The following C2orf49 variants were observed in gnomAD, a reference collection of about 807,000 sequenced individuals.
The protein encoded by C2orf49 is tRNA-splicing ligase complex subunit ASW.
A neutral mutation model predicts 20.6 loss-of-function variants in C2orf49; 11 were observed. The observed-to-expected ratio is 0.53, with a 90% CI of 0.34 to 0.88. The LOEUF is 0.88. C2orf49 is among the 40% of genes least tolerant of loss of function. The pLI is 0.02. For missense variants in C2orf49, 289 were observed against 274.2 expected (o/e 1.05, Z -0.38); for synonymous variants, 134 against 108.5 (o/e 1.24, Z -1.46).
the C2orf49 span, among the ~76,000 whole-genome samples, chr2:105,376,945 CAT>C: frequency 1.3e-5 from 2 of 152,318 alleles, no homozygotes; most frequent in African/African-American, 4.8e-5. Flanking sequence ...TGATCTCACA[CAT>C]GTGAGATACT....
downstream of C2orf49, among the ~76,000 whole-genome samples, chr2:105,353,068 C>T (rs535000732): frequency 1.3e-5 from 2 of 152,260 alleles, no homozygotes; most frequent in East Asian, 3.9e-4. Flanking sequence ...TATCCCATGG[C>T]AGAAGGCAGA....
At chr2:105,364,351 G>A in the C2orf49 span, among the ~76,000 whole-genome samples, 1 of 152,224 alleles carries the variant, frequency 6.6e-6, no homozygotes, top group Non-Finnish European at 1.5e-5. Context: ...TACGGTGAAA[G>A]AAGGAAGAGG....
rs572713445 is a variant in C2orf49, at chr2:105,348,560, A to G, written c.*3189A>G. 1 of 144,906 alleles carries G rather than the reference A, an allele frequency of 6.9e-6. No homozygotes were observed. The highest frequency in any genetic ancestry group is 2.5e-5 in the African/African-American group (1 of 39,480). 9.0% of individuals were successfully genotyped at this position (144,906 alleles called of 1,614,324 possible). On this transcript the variant is annotated 3_prime_UTR_variant, in exon 4 of 4. Coordinates refer to ENST00000258457, the MANE Select transcript of C2orf49 (RefSeq NM_024093.3). ...TATATATATATATATATATATATGT[A>G]AGAGCTTCCTCTATTTACTACTGTT...
chr2:105,343,531 A>G (rs966073351), intron 3 of C2orf49, among the ~76,000 whole-genome samples: 3 of 152,254 alleles, frequency 2.0e-5, no homozygotes, highest in Non-Finnish European at 4.4e-5. Context: ...GAACTAAAAC[A>G]GATAAATATT....
the C2orf49 span, chr2:105,363,209 A>G: frequency 6.9e-7 from 1 of 1,445,192 alleles, no homozygotes; most frequent in Non-Finnish European, 9.6e-7. Flanking sequence ...GGATATAGAC[A>G]GGGTCACAGG....
chr2:105,338,607 C>A (rs188223777), intron 1 of C2orf49, among the ~76,000 whole-genome samples: 17 of 152,296 alleles, frequency 1.1e-4, no homozygotes, highest in African/African-American at 4.1e-4. Context: ...GCAATACTTT[C>A]CAAAGTAATG....
At chr2:105,340,893 G>A (rs1034515996) in intron 2 of C2orf49, among the ~76,000 whole-genome samples, 15 of 152,192 alleles carry the variant, frequency 9.9e-5, no homozygotes, top group African/African-American at 3.6e-4. Context: ...GAGTAGGAGG[G>A]TAGGGGTAAA....
the C2orf49 span, among the ~76,000 whole-genome samples, chr2:105,377,459 CA>C: frequency 6.6e-6 from 1 of 152,080 alleles, no homozygotes; most frequent in East Asian, 1.9e-4. Context: ...GGTTAAACCC[CA>C]TCTCTACTAA....
At chr2:105,373,569 G>A in the C2orf49 span, 1,090 of 1,614,198 alleles carry the variant, frequency 6.8e-4, 9 homozygotes, top group African/African-American at 0.012. Context: ...CTGGCATGAT[G>A]GTCTTCTTGC....
chr2:105,366,579 GAGTC>G, the C2orf49 span, among the ~76,000 whole-genome samples: 16 of 152,322 alleles, frequency 1.1e-4, no homozygotes, highest in African/African-American at 3.8e-4. Flanking sequence ...GTGTGTCTAA[GAGTC>G]AGAGGGCACA....
At chr2:105,355,971 G>A in the C2orf49 span, among the ~76,000 whole-genome samples, 1 of 152,164 alleles carries the variant, frequency 6.6e-6, no homozygotes, top group East Asian at 1.9e-4. Flanking sequence ...CAGACCAGGT[G>A]TGATGACTCA....
the C2orf49 span, chr2:105,378,018 A>G: frequency 8.4e-5 from 39 of 463,642 alleles, no homozygotes; most frequent in Non-Finnish European, 1.4e-4. Context: ...CTGAGAGAGA[A>G]ATCTCCAAGG....
At chr2:105,364,428 G>T in the C2orf49 span, among the ~76,000 whole-genome samples, 1 of 152,178 alleles carries the variant, frequency 6.6e-6, no homozygotes, top group East Asian at 1.9e-4. Context: ...TGGAAGTTTT[G>T]GGAAAAATAA....
At chr2:105,344,262 G>T (rs2576769) in intron 3 of C2orf49, among the ~76,000 whole-genome samples, 4 of 151,922 alleles carry the variant, frequency 2.6e-5, no homozygotes, top group Admixed American at 2.0e-4. Context: ...GCCATGCTTC[G>T]TCCATACTCC....
chr2:105,379,596 C>T, the C2orf49 span, among the ~76,000 whole-genome samples: 1 of 152,208 alleles, frequency 6.6e-6, no homozygotes, highest in African/African-American at 2.4e-5. Flanking sequence ...TCCCACTGCC[C>T]TTCCACCTGA....
the C2orf49 span, among the ~76,000 whole-genome samples, chr2:105,371,900 G>A: frequency 3.3e-5 from 5 of 152,192 alleles, no homozygotes; most frequent in South Asian, 6.2e-4. Flanking sequence ...GGCTTTCTAC[G>A]GGCTTCAATT....
At chr2:105,350,875 T>C (rs939876462), downstream of C2orf49, among the ~76,000 whole-genome samples, 1 of 152,188 alleles carries the variant, frequency 6.6e-6, no homozygotes, top group Non-Finnish European at 1.5e-5. Flanking sequence ...AAATGACTCA[T>C]TGTTAACTAA....
chr2:105,382,658 G>A, the C2orf49 span, among the ~76,000 whole-genome samples: 3 of 152,168 alleles, frequency 2.0e-5, no homozygotes, highest in African/African-American at 7.2e-5. Flanking sequence ...CTGAATGCTA[G>A]TTTCTGATCT....
intron 2 of C2orf49, among the ~76,000 whole-genome samples, chr2:105,342,221 T>C (rs1679690197): frequency 6.6e-6 from 1 of 152,316 alleles, no homozygotes; most frequent in African/African-American, 2.4e-5. Context: ...GATATAGATA[T>C]TATCTGAGGT....
Sources: gnomAD v4.1 joint callset for allele counts (sites outside exome capture counted in the v4.1 genomes callset) on GRCh38, gnomAD v4.1.1 for gene constraint, MANE v1.5 for transcripts, NCBI Gene and HGNC (gene_info 2026-07-23, HGNC 2026-07-21) for gene names.